Variants in CNTLN observed in about 807,000 individuals in gnomAD.
The protein encoded by CNTLN is centlein, centrosomal protein.
Under a neutral mutation model 180.0 loss-of-function variants are expected in CNTLN, and 212 were observed. The ratio of observed to expected loss-of-function variants is 1.18; its 90% CI spans 1.05 to 1.32. The LOEUF is 1.32. Among genes scored for constraint, CNTLN ranks in the 40% most tolerant of loss-of-function variants. The probability of loss-of-function intolerance (pLI) is 0.00; values close to 1 mark genes in which losing one functional copy is unlikely to be tolerated. For missense variants in CNTLN, 2,095 were observed against 1,610.9 expected (o/e 1.30, Z -5.14); for synonymous variants, 722 against 563.1 (o/e 1.28, Z -3.99).
At chr9:17,527,004 A>G in the CNTLN span, among the ~76,000 whole-genome samples, 1 of 152,184 alleles carries the variant, frequency 6.6e-6, no homozygotes, top group East Asian at 1.9e-4. Flanking sequence ...CAGCTTCCCA[A>G]GTAGCTGGGA....
Position 17,199,182 on chromosome 9 carries a change from C to A in CNTLN, c.450-27021C>A, listed in dbSNP as rs141814332. ...GCATTCCAATTTCACTGCAGCCTCGCCAGCATCTGTTGTTTCTTGACTTTT... is the reference window on the plus strand; with the variant it reads ...GCATTCCAATTTCACTGCAGCCTCGACAGCATCTGTTGTTTCTTGACTTTT... On this transcript the variant is annotated intron_variant, in intron 2 of 25. Coordinates refer to ENST00000380647, the MANE Select transcript of CNTLN (RefSeq NM_017738.4). Among the ~76,000 whole-genome samples the A allele has an allele frequency of 6.7e-4, 102 of 151,168 alleles. 3 individuals carry two copies. The East Asian group carries it at 0.019, about 28-fold the overall frequency.
chr9:17,350,911 T>TA (rs1283471224), intron 12 of CNTLN, among the ~76,000 whole-genome samples: 3 of 152,154 alleles, frequency 2.0e-5, no homozygotes, highest in African/African-American at 7.2e-5. Flanking sequence ...ATATAACACA[T>TA]ATGTCACATA....
chr9:17,290,459 T>C (rs1161503908), intron 6 of CNTLN, among the ~76,000 whole-genome samples: 2 of 147,868 alleles, frequency 1.4e-5, no homozygotes, highest in Non-Finnish European at 3.0e-5. Flanking sequence ...CTGCTGTCTT[T>C]TTGTTTGTCT....
intron 25 of CNTLN, among the ~76,000 whole-genome samples, chr9:17,496,513 C>T (rs546042801): frequency 1.3e-5 from 2 of 152,170 alleles, no homozygotes; most frequent in Admixed American, 6.5e-5. Flanking sequence ...CTCCCGAAGC[C>T]CTTATCTCTT....
intron 7 of CNTLN, among the ~76,000 whole-genome samples, chr9:17,302,690 A>G (rs1260926760): frequency 6.6e-6 from 1 of 152,180 alleles, no homozygotes; most frequent in Non-Finnish European, 1.5e-5. Flanking sequence ...TCATAATTGT[A>G]TTTTAAAACT....
intron 12 of CNTLN, among the ~76,000 whole-genome samples, chr9:17,364,070 C>G (rs2133413712): frequency 6.6e-6 from 1 of 152,222 alleles, no homozygotes; most frequent in Non-Finnish European, 1.5e-5. Context: ...TGAAGTTTCA[C>G]TAAGACATTT....
chr9:17,440,612 A>G, intron 18 of CNTLN, among the ~76,000 whole-genome samples: 1 of 151,678 alleles, frequency 6.6e-6, no homozygotes, highest in Admixed American at 6.6e-5. Flanking sequence ...AGAACTGAAA[A>G]CATAAGTTCA....
intron 2 of CNTLN, among the ~76,000 whole-genome samples, chr9:17,215,751 G>A (rs1340174342): frequency 6.6e-6 from 1 of 152,116 alleles, no homozygotes; most frequent in East Asian, 1.9e-4. Flanking sequence ...CTCAGCAATG[G>A]TGGGCACCCC....
At chr9:17,385,028 T>C (rs949176161) in intron 13 of CNTLN, among the ~76,000 whole-genome samples, 27 of 152,200 alleles carry the variant, frequency 1.8e-4, no homozygotes, top group African/African-American at 6.3e-4. Context: ...AATTGGGGGT[T>C]CCCAGGAGCC....
At chr9:17,406,890 C>A (rs1355002865) in intron 15 of CNTLN, among the ~76,000 whole-genome samples, 2 of 151,676 alleles carry the variant, frequency 1.3e-5, no homozygotes, top group African/African-American at 2.4e-5. Context: ...GCTCTCCAAT[C>A]AAATCTAAAC....
intron 2 of CNTLN, among the ~76,000 whole-genome samples, chr9:17,207,802 C>G (rs1407986784): frequency 6.6e-6 from 1 of 152,098 alleles, no homozygotes; most frequent in Non-Finnish European, 1.5e-5. Flanking sequence ...TTTTCCCCTC[C>G]CTTGTATGCT....
At chr9:17,223,516 G>A (rs539536420) in intron 2 of CNTLN, among the ~76,000 whole-genome samples, 77 of 152,040 alleles carry the variant, frequency 5.1e-4, no homozygotes, top group Non-Finnish European at 8.8e-4. Context: ...CAGTTGTGTA[G>A]GCAAAAGCTT....
chr9:17,157,274 A>G (rs986156462), intron 2 of CNTLN, among the ~76,000 whole-genome samples: 4 of 152,200 alleles, frequency 2.6e-5, no homozygotes, highest in Admixed American at 2.6e-4. Flanking sequence ...AACAATCAAT[A>G]CGTACCAAAT....
At chr9:17,236,358 T>TTTTTG (rs1262704770) in intron 4 of CNTLN, 51 bp from the exon 5 acceptor site, 8 of 1,477,912 alleles carry the variant, frequency 5.4e-6, no homozygotes, top group Non-Finnish European at 2.7e-6. Context: ...TTTTTTGGGT[T>TTTTTG]TTTTGTTTCG....
intron 6 of CNTLN, among the ~76,000 whole-genome samples, chr9:17,291,782 A>T (rs990481072): frequency 6.6e-6 from 1 of 152,240 alleles, no homozygotes; most frequent in Non-Finnish European, 1.5e-5. Context: ...GTGTCTTTTA[A>T]TCGGGGCATT....
intron 2 of CNTLN, among the ~76,000 whole-genome samples, chr9:17,223,196 A>G (rs891117734): frequency 2.0e-5 from 3 of 152,054 alleles, no homozygotes; most frequent in African/African-American, 7.2e-5. Context: ...ACAGCACTGC[A>G]ATTTAAAGCT....
chr9:17,183,913 A>G (rs535800458), intron 2 of CNTLN, among the ~76,000 whole-genome samples: 1 of 152,246 alleles, frequency 6.6e-6, no homozygotes, highest in African/African-American at 2.4e-5. Flanking sequence ...CAGATAAGAA[A>G]TGTACCTACC....
At chr9:17,424,626 G>A (rs1828954370) in intron 18 of CNTLN, among the ~76,000 whole-genome samples, 4 of 152,062 alleles carry the variant, frequency 2.6e-5, no homozygotes. Context: ...ATTTTGCTGT[G>A]GTTTCAATAT....
chr9:17,404,222 G>A (rs1827201665), intron 15 of CNTLN, among the ~76,000 whole-genome samples: 1 of 151,782 alleles, frequency 6.6e-6, no homozygotes, highest in Non-Finnish European at 1.5e-5. Flanking sequence ...CCAGCTAGAA[G>A]ACAATATTGA....
Sources: allele counts gnomAD v4.1 joint callset (sites outside exome capture counted in the v4.1 genomes callset), GRCh38; gene constraint gnomAD v4.1.1; transcripts MANE v1.5; gene names NCBI Gene and HGNC (gene_info 2026-07-23, HGNC 2026-07-21).